ZNF544: variants seen among roughly 807,000 people sequenced by gnomAD.
ZNF544 encodes zinc finger protein AF020591.
A neutral mutation model predicts 13.5 loss-of-function variants in ZNF544; 10 were observed. The ratio of observed to expected loss-of-function variants is 0.74; its 90% CI spans 0.46 to 1.25. The LOEUF (loss-of-function observed/expected upper bound fraction) is 1.25, where lower values mean the gene tolerates loss of function less well. ZNF544 is among the 50% of genes most tolerant of loss of function. The pLI is 0.00. For missense variants in ZNF544, 896 were observed against 845.6 expected (o/e 1.06, Z -0.74); for synonymous variants, 323 against 300.5 (o/e 1.07, Z -0.77).
chr19:58,246,035 T>G (rs1330391714), intron 4 of ZNF544, among the ~76,000 whole-genome samples: 1 of 152,092 alleles, frequency 6.6e-6, no homozygotes, highest in Admixed American at 6.6e-5. Context: ...GTCAACAGAG[T>G]TGGTCTGGTT....
intron 5 of ZNF544, among the ~76,000 whole-genome samples, chr19:58,273,129 C>T (rs2050842144): frequency 1.3e-5 from 2 of 150,032 alleles, no homozygotes; most frequent in African/African-American, 4.9e-5. Context: ...TGCAGTAAGC[C>T]AAGATCGCAC....
exon 7 of ZNF544, chr19:58,277,236 A>T: frequency 1.4e-6 from 1 of 707,406 alleles, no homozygotes; most frequent in Non-Finnish European, 1.6e-6. Context: ...GATCTGAGAG[A>T]GTGTGGCCAG....
intron 6 of ZNF544, among the ~76,000 whole-genome samples, chr19:58,257,078 C>T (rs1180218943): frequency 2.0e-5 from 3 of 152,096 alleles, no homozygotes; most frequent in African/African-American, 2.4e-5. Flanking sequence ...CCCACCACCA[C>T]GCCCGTCTAA....
At chr19:58,259,373 T>C (rs1467070006) in intron 6 of ZNF544, 3 of 152,260 alleles carry the variant, frequency 2.0e-5, no homozygotes, top group Non-Finnish European at 4.4e-5. Flanking sequence ...CAGAAACTGA[T>C]ATTCTAGGAC....
At chr19:58,269,426 ACT>A (rs1156504001) in intron 5 of ZNF544, among the ~76,000 whole-genome samples, 3 of 140,198 alleles carry the variant, frequency 2.1e-5, no homozygotes, top group East Asian at 2.1e-4. Context: ...ACAAAGCGAG[ACT>A]CTGTCTCAAA....
rs2049022043 is a variant in ZNF544, at chr19:58,261,831, G to C, written c.1225G>C (p.Glu409Gln). The C allele has an allele frequency of 5.6e-6, 9 of 1,613,824 alleles. No homozygotes were observed. In the East Asian group the frequency reaches 2.0e-4, roughly 36 times the overall value. Residue 409 changes from glutamate (E) to glutamine (Q), a missense_variant, in exon 7 of 7, where the codon GAG becomes CAG. Glu to Gln is a conservative substitution (Grantham distance 29, BLOSUM62 2). Transcript: ENST00000687789. ...GACACACACTGGAGAGAAGCCCTATGAGTGTGACCTGTGTGGGAAATCCTT... is the reference window on the plus strand; with the variant it reads ...GACACACACTGGAGAGAAGCCCTATCAGTGTGACCTGTGTGGGAAATCCTT... ...QRTHTGEKPY[E>Q]CDLCGKSFTQ...
At position 58,261,274 on chromosome 19, in the gene ZNF544, G is replaced by C. The variant is rs142703958; in HGVS notation, c.668G>C (p.Cys223Ser). 7.3e-5 allele frequency: 118 copies of C among 1,614,060 alleles called. No homozygotes were observed. In the African/African-American group the frequency reaches 1.5e-3, roughly 20 times the overall value. ...AGTCATCAGTGTGCTAGAGCTTTCT[G>C]TCAGAGTATTTACTTGAGTAAACTT... ...CESHQCARAF[C>S]QSIYLSKLGN... is the part of the protein sequence containing the mutation. Residue 223 changes from cysteine (C) to serine (S), a missense_variant, in exon 7 of 7, where the codon TGT becomes TCT. Coordinates refer to ENST00000687789, the MANE Select transcript of ZNF544 (RefSeq NM_014480.4).
chr19:58,260,066 G>T (rs1417636093), intron 6 of ZNF544, among the ~76,000 whole-genome samples: 1 of 152,102 alleles, frequency 6.6e-6, no homozygotes, highest in African/African-American at 2.4e-5. Flanking sequence ...CTGTTATCCG[G>T]TCTGTTCAAC....
chr19:58,255,792 G>A (rs556763649), intron 6 of ZNF544, among the ~76,000 whole-genome samples: 2 of 152,328 alleles, frequency 1.3e-5, no homozygotes, highest in East Asian at 3.9e-4. Flanking sequence ...TAGGGATCAG[G>A]GACTGTAACT....
chr19:58,246,854 C>T, intron 6 of ZNF544, 60 bp downstream of exon 6: 3 of 1,542,894 alleles, frequency 1.9e-6, no homozygotes, highest in Non-Finnish European at 1.8e-6. Flanking sequence ...AGAGAGCTCT[C>T]CGCAGGGCCC....
intron 6 of ZNF544, among the ~76,000 whole-genome samples, chr19:58,250,365 T>C (rs2046099876): frequency 6.6e-6 from 1 of 152,230 alleles, no homozygotes. Flanking sequence ...AACCAAAAGA[T>C]AACTAGATGT....
intron 3 of ZNF544, among the ~76,000 whole-genome samples, chr19:58,235,397 C>T (rs1289855790): frequency 6.6e-6 from 1 of 152,114 alleles, no homozygotes. Context: ...TGTCACTGAC[C>T]AGAACGTCAT....
intron 6 of ZNF544, among the ~76,000 whole-genome samples, chr19:58,255,512 C>T (rs993142187): frequency 8.5e-5 from 13 of 152,172 alleles, no homozygotes; most frequent in African/African-American, 3.1e-4. Flanking sequence ...TCAGGGAAAG[C>T]AAATTGATGC....
Position 58,262,780 on chromosome 19 carries a change from T to A in ZNF544, c.*26T>A. On this transcript the variant is annotated 3_prime_UTR_variant, in exon 7 of 7. Coordinates refer to ENST00000687789, the MANE Select transcript of ZNF544 (RefSeq NM_014480.4). ...GAGTGCAGTCATTGTGGGAAAGCTT[T>A]CATCCAGAGGTCTCCCCTCATCATG... 3 of 1,567,900 alleles carry A rather than the reference T, an allele frequency of 1.9e-6. No individual in the cohort carries two copies. The highest frequency in any genetic ancestry group is 2.6e-6 in the Non-Finnish European group (3 of 1,155,600).
At chr19:58,250,551 T>C (rs970347606) in intron 6 of ZNF544, among the ~76,000 whole-genome samples, 1 of 152,194 alleles carries the variant, frequency 6.6e-6, no homozygotes, top group Non-Finnish European at 1.5e-5. Flanking sequence ...TATGTAATCA[T>C]GTGAGGGGTT....
At chr19:58,249,208 A>C (rs567757259) in intron 6 of ZNF544, among the ~76,000 whole-genome samples, 1 of 152,162 alleles carries the variant, frequency 6.6e-6, no homozygotes, top group East Asian at 1.9e-4. Context: ...CTGTTCTCAT[A>C]CCTCATTTCC....
At chr19:58,237,846 G>A (rs904447382) in intron 3 of ZNF544, among the ~76,000 whole-genome samples, 1 of 152,230 alleles carries the variant, frequency 6.6e-6, no homozygotes, top group Non-Finnish European at 1.5e-5. Flanking sequence ...CGAGGATAGA[G>A]AAGCCTGAAA....
At chr19:58,255,516 T>C (rs1159074473) in intron 6 of ZNF544, among the ~76,000 whole-genome samples, 4 of 152,140 alleles carry the variant, frequency 2.6e-5, no homozygotes, top group East Asian at 1.9e-4. Flanking sequence ...GGAAAGCAAA[T>C]TGATGCAGAA....
At position 58,234,150 on chromosome 19, in the gene ZNF544, A is replaced by G. The variant is rs140388979; in HGVS notation, c.-60+3688A>G. Among the ~76,000 whole-genome samples, 734 of 152,264 alleles carry G rather than the reference A, an allele frequency of 4.8e-3. 3 individuals carry two copies. The highest frequency in any genetic ancestry group is 8.5e-3 in the Non-Finnish European group (580 of 68,022). On this transcript the variant is annotated intron_variant, in intron 3 of 6. Transcript: ENST00000687789. ...TGCCAACATCTACATAAGCCCAGCA[A>G]TGCCTTCTCTCTCTCTGAGATAGAA...
Sources: gnomAD v4.1 joint callset for allele counts (sites outside exome capture counted in the v4.1 genomes callset) on GRCh38, gnomAD v4.1.1 for gene constraint, MANE v1.5 for transcripts, NCBI Gene and HGNC (gene_info 2026-07-23, HGNC 2026-07-21) for gene names.